Variants in NRXN2 observed in about 807,000 individuals in gnomAD.
NRXN2 encodes neurexin-2-beta.
NRXN2 carries 29 observed loss-of-function variants against 128.8 expected under a neutral mutation model. The observed-to-expected ratio is 0.23, with a 90% confidence interval of 0.17 to 0.31. The LOEUF (loss-of-function observed/expected upper bound fraction) is 0.31, where lower values mean the gene tolerates loss of function less well. Ranked by LOEUF, NRXN2 falls within the 10% of genes least tolerant of loss-of-function variation. NRXN2 has a pLI of 1.00. For synonymous variants in NRXN2, 1,098 were observed against 1,075.2 expected, an observed-to-expected ratio of 1.02 and a Z score of -0.41; for missense variants, 1,881 against 2,452.6, an observed-to-expected ratio of 0.77 and a Z score of 4.92.
intron 17 of NRXN2, among the ~76,000 whole-genome samples, chr11:64,643,693 A>C (rs1322694861): frequency 1.3e-5 from 2 of 151,586 alleles, no homozygotes; most frequent in African/African-American, 4.8e-5. Flanking sequence ...GGCGCTGGGC[A>C]GCTCAGCCGC....
At chr11:64,706,952 A>AT (rs371730762) in intron 2 of NRXN2, among the ~76,000 whole-genome samples, 6,281 of 135,136 alleles carry the variant, frequency 0.046, 438 homozygotes, top group African/African-American at 0.16. Context: ...GTGTATCCCC[A>AT]TTTTTTTTTT....
chr11:64,680,940 T>C (rs1367401033), intron 6 of NRXN2, among the ~76,000 whole-genome samples: 6 of 151,624 alleles, frequency 4.0e-5, no homozygotes, highest in Non-Finnish European at 7.4e-5. Flanking sequence ...CTACTAAAAA[T>C]ACAAAAATTA....
chr11:64,687,301 G>A (rs767562757), intron 5 of NRXN2, among the ~76,000 whole-genome samples: 1 of 152,170 alleles, frequency 6.6e-6, no homozygotes, highest in Non-Finnish European at 1.5e-5. Flanking sequence ...TGTTGAGGCA[G>A]TGGGGTGGTG....
chr11:64,707,135 G>A (rs557542091), intron 2 of NRXN2, among the ~76,000 whole-genome samples: 28 of 152,164 alleles, frequency 1.8e-4, no homozygotes, highest in Non-Finnish European at 3.2e-4. Flanking sequence ...CCAGCACTTT[G>A]GGAGGCCAAG....
chr11:64,643,092 C>T (rs573699029), intron 17 of NRXN2: 1 of 986,296 alleles, frequency 1.0e-6, no homozygotes, highest in Non-Finnish European at 1.2e-6. Context: ...CGCAGAGGGC[C>T]GTCAGAAACC....
rs1250850118 is a variant in NRXN2, at chr11:64,685,897, C to A, written c.901G>T (p.Asp301Tyr). The A allele has an allele frequency of 1.2e-6, 2 of 1,614,144 alleles. No individual in the cohort carries two copies. Among genetic ancestry groups the A allele is most frequent in the South Asian group, 2.2e-5 (2 of 91,074 alleles). ...TFKGNEFFCY[D>Y]LSHNPIQSST... ...CTCTGGATGGGGTTGTGTGACAGGT[C>A]GTAGCAGAAGAACTCATTGCCTTTG... The change falls in exon 6 of 23, where the codon GAC becomes TAC. Residue 301 changes from aspartate to tyrosine, a missense_variant. Transcript: ENST00000265459.
chr11:64,667,752 AC>A lies in NRXN2; in HGVS notation c.1360-65del. 6.5e-7 allele frequency: 1 copy of A among 1,538,366 alleles called. No homozygotes were observed. On this transcript the variant is annotated intron_variant, in intron 8 of 22. Coordinates refer to ENST00000265459, the MANE Select transcript of NRXN2 (RefSeq NM_015080.4). This position sits in a 1 kb window ranked among gnomAD's most constrained non-coding sequence, Gnocchi z 5.6. Reference sequence around the variant, plus strand: ...AGCAGCTTAGGGCCTGGCCACTCCCACCCAGCAGCGAGCACCAGGGGACCCA... The same window carrying A: ...AGCAGCTTAGGGCCTGGCCACTCCCACCAGCAGCGAGCACCAGGGGACCCA...
Position 64,648,791 on chromosome 11 carries a change from G to T in NRXN2, c.3226C>A (p.Pro1076Thr), listed in dbSNP as rs753743115. The stretch of plus-strand genomic sequence containing the variant: ...TGCAGGGCGTCGGCGATGAGGTCTG[G>T]GAGACGTCCGTTGAGGTCCACTGAG... ...LASVDLNGRL[P>T]DLIADALHRI... The change falls in exon 16 of 23, where the codon CCA becomes ACA. Residue 1076 changes from proline (P) to threonine (T), a missense_variant. Pro to Thr is a conservative substitution (Grantham distance 38). This residue lies in a region of NRXN2 where 390 missense variants were observed against 599.6 expected (regional missense o/e 0.65). Transcript: ENST00000265459. The surrounding 1 kb of genome is among the most constrained non-coding windows in gnomAD (Gnocchi z 4.1). The T allele has an allele frequency of 1.2e-6, 2 of 1,614,178 alleles. No homozygotes were observed. The highest frequency in any genetic ancestry group is 2.7e-5 in the African/African-American group (2 of 75,042).
chr11:64,666,355 C>T (rs953299929), intron 9 of NRXN2, among the ~76,000 whole-genome samples: 4 of 151,924 alleles, frequency 2.6e-5, no homozygotes, highest in African/African-American at 9.7e-5. Flanking sequence ...GAGTGCACCA[C>T]CATGCCCAGC....
At chr11:64,712,651 C>T (rs1194881743) in intron 2 of NRXN2, 1 of 543,356 alleles carries the variant, frequency 1.8e-6, no homozygotes, top group Admixed American at 2.3e-5. Context: ...GACCCTCACC[C>T]ACCAAGCCCA....
Position 64,651,198 on chromosome 11 carries a change from G to C in NRXN2, c.2918+57C>G. On this transcript the variant is annotated intron_variant, in intron 14 of 22. Coordinates refer to ENST00000265459, the MANE Select transcript of NRXN2 (RefSeq NM_015080.4). This position sits in a 1 kb window ranked among gnomAD's most constrained non-coding sequence, Gnocchi z 5.9. ...CCAGTAGCCAGGAGAGCTGTATGTGGTTCAGCAGGGGGAGGGGGCCACCTC... is the reference window on the plus strand; with the variant it reads ...CCAGTAGCCAGGAGAGCTGTATGTGCTTCAGCAGGGGGAGGGGGCCACCTC... 1.9e-6 allele frequency: 3 copies of C among 1,608,744 alleles called. No homozygotes were observed. Among genetic ancestry groups the C allele is most frequent in the Non-Finnish European group, 2.5e-6 (3 of 1,177,996 alleles).
At chr11:64,720,366 C>T (rs1444745263) in intron 1 of NRXN2, among the ~76,000 whole-genome samples, 3 of 152,206 alleles carry the variant, frequency 2.0e-5, no homozygotes, top group Non-Finnish European at 4.4e-5. Flanking sequence ...GACACACAAT[C>T]GGGGCATCCC....
At chr11:64,683,799 C>T (rs1299464259) in intron 6 of NRXN2, among the ~76,000 whole-genome samples, 1 of 152,066 alleles carries the variant, frequency 6.6e-6, no homozygotes. Context: ...AAGAAGTTTC[C>T]ATCAGTTACC....
Position 64,607,680 on chromosome 11 carries a change from G to A in NRXN2, c.4655C>T (p.Ala1552Val), listed in dbSNP as rs1030341644. The A allele has an allele frequency of 4.6e-6, 7 of 1,534,514 alleles. No individual in the cohort carries two copies. Among genetic ancestry groups the A allele is most frequent in the East Asian group, 2.4e-5 (1 of 40,936 alleles). ...GATGAPGVLF[A>V]PSAPAPNLPA... ...CAGGTTGGGGGCCGGGGCGGAGGGG[G>A]CAAACAGCACCCCAGGGGCGCCCGT... is the stretch of plus-strand genomic sequence containing the variant. Residue 1552 changes from alanine to valine, a missense_variant, in exon 23 of 23, where the codon GCC (alanine) becomes GTC (valine). Around this residue, in one of 7 missense-constraint regions of NRXN2, gnomAD observed 310 missense variants for 318.2 expected, o/e 0.97. Transcript: ENST00000265459.
At chr11:64,639,200 G>A (rs747096915) in intron 17 of NRXN2, among the ~76,000 whole-genome samples, 33 of 152,098 alleles carry the variant, frequency 2.2e-4, no homozygotes, top group Non-Finnish European at 4.4e-4. Flanking sequence ...CCACACCAGC[G>A]CTTTGTACAT....
Position 64,685,904 on chromosome 11 carries a change from G to C in NRXN2, c.894C>G (p.Phe298Leu), listed in dbSNP as rs137891559. Residue 298 changes from phenylalanine (F) to leucine (L), a missense_variant, in exon 6 of 23, where the codon TTC (phenylalanine) becomes TTG (leucine). Transcript: ENST00000265459. ...FVATFKGNEF[F>L]CYDLSHNPIQ... ...TGGGGTTGTGTGACAGGTCGTAGCAGAAGAACTCATTGCCTTTGAAGGTCG... is the reference window on the plus strand; with the variant it reads ...TGGGGTTGTGTGACAGGTCGTAGCACAAGAACTCATTGCCTTTGAAGGTCG... The C allele has an allele frequency of 3.1e-6, 5 of 1,614,170 alleles. No individual in the cohort carries two copies. The South Asian group carries it at 5.5e-5, about 18-fold the overall frequency.
At chr11:64,702,104 C>G (rs1446098933) in intron 2 of NRXN2, among the ~76,000 whole-genome samples, 1 of 147,266 alleles carries the variant, frequency 6.8e-6, no homozygotes, top group African/African-American at 2.5e-5. Flanking sequence ...CTCTGCCCGG[C>G]CAGCCGCCCG....
chr11:64,616,465 A>G (rs1031302707), intron 22 of NRXN2, among the ~76,000 whole-genome samples: 2 of 152,146 alleles, frequency 1.3e-5, no homozygotes, highest in African/African-American at 2.4e-5. Flanking sequence ...CTGTCTGAAC[A>G]TGCATGTAGG....
At chr11:64,612,618 A>G (rs1330974179) in intron 22 of NRXN2, among the ~76,000 whole-genome samples, 1 of 152,206 alleles carries the variant, frequency 6.6e-6, no homozygotes, top group Non-Finnish European at 1.5e-5. Flanking sequence ...CTGGCCCAAC[A>G]AAGTTAGCCC....
Sources: gnomAD v4.1 joint callset for allele counts (sites outside exome capture counted in the v4.1 genomes callset) on GRCh38, gnomAD v4.1.1 for gene constraint, gnomAD v4.1.1 regional missense constraint, Gnocchi (gnomAD v3.1) non-coding constraint, MANE v1.5 for transcripts, NCBI Gene and HGNC (gene_info 2026-07-23, HGNC 2026-07-21) for gene names.